The following BMP5 variants were observed in gnomAD, a reference collection of about 807,000 sequenced individuals.
The protein encoded by BMP5 is bone morphogenetic protein 5.
Under a neutral mutation model 46.6 loss-of-function variants are expected in BMP5, and 23 were observed. The observed-to-expected ratio is 0.49, with a 90% CI of 0.35 to 0.70. The LOEUF is 0.70. BMP5 is among the 30% of genes least tolerant of loss of function. BMP5 has a pLI of 0.00. For synonymous variants in BMP5, 204 were observed against 191.9 expected (o/e 1.06, Z -0.52); for missense variants, 545 against 565.6 (o/e 0.96, Z 0.37).
intron 1 of BMP5, among the ~76,000 whole-genome samples, chr6:55,823,167 G>T (rs73446194): frequency 2.6e-5 from 4 of 151,942 alleles, no homozygotes; most frequent in Non-Finnish European, 4.4e-5. Flanking sequence ...ATAAATCTTC[G>T]TTCAATACCT....
intron 3 of BMP5, among the ~76,000 whole-genome samples, chr6:55,787,379 A>G (rs554493880): frequency 6.6e-6 from 1 of 151,846 alleles, no homozygotes; most frequent in East Asian, 1.9e-4. Context: ...TCAGTTGTAA[A>G]TTATATCTTT....
intron 4 of BMP5, among the ~76,000 whole-genome samples, chr6:55,767,324 A>G (rs1774937169): frequency 6.6e-6 from 1 of 152,154 alleles, no homozygotes; most frequent in East Asian, 1.9e-4. Context: ...TACCAGTTCT[A>G]TAAAACCAAT....
Position 55,774,243 on chromosome 6 carries a change from C to T in BMP5, c.833G>A (p.Gly278Glu). Reference sequence around the variant, plus strand: ...AGCAGATTTTACGTTGATACTGCGTCCTAGAACGTAATACAAAAGCACTTG... The same window carrying T: ...AGCAGATTTTACGTTGATACTGCGTTCTAGAACGTAATACAAAAGCACTTG... ...GLQLCAETGD[G>E]RSINVKSAGL... The change falls in exon 4 of 7, where the codon GGA (glycine) becomes GAA (glutamate). Residue 278 changes from glycine to glutamate, a missense_variant and splice_region_variant. Transcript: ENST00000370830. 1 of 1,612,320 alleles carries T rather than the reference C, an allele frequency of 6.2e-7. No individual in the cohort carries two copies. The highest frequency in any genetic ancestry group is 8.5e-7 in the Non-Finnish European group (1 of 1,178,922).
chr6:55,764,340 A>G lies in BMP5; in HGVS notation c.1028-3807T>C, dbSNP rs535495997. ...TGTAATCCCAGCACTTTGGGAGGCCAAGGAGGGCGGATCACGAGGTCAGAA... is the reference window on the plus strand; with the variant it reads ...TGTAATCCCAGCACTTTGGGAGGCCGAGGAGGGCGGATCACGAGGTCAGAA... On this transcript the variant is annotated intron_variant, in intron 4 of 6. Coordinates refer to ENST00000370830, the MANE Select transcript of BMP5 (RefSeq NM_021073.4). 1.8e-4 allele frequency among the ~76,000 whole-genome samples: 28 copies of G among 152,224 alleles called. No homozygotes were observed. The East Asian group carries it at 1.9e-3, about 11-fold the overall frequency.
intron 3 of BMP5, among the ~76,000 whole-genome samples, chr6:55,776,644 T>G (rs1467310284): frequency 6.6e-6 from 1 of 151,948 alleles, no homozygotes; most frequent in South Asian, 2.1e-4. Flanking sequence ...CATTGATGAC[T>G]GCAGAAATCA....
At chr6:55,800,583 G>A (rs1775824539) in intron 2 of BMP5, among the ~76,000 whole-genome samples, 1 of 152,050 alleles carries the variant, frequency 6.6e-6, no homozygotes, top group Non-Finnish European at 1.5e-5. Context: ...ATGTAGTATT[G>A]GAAATGTTAA....
At position 55,774,367 on chromosome 6, in the gene BMP5, A is replaced by G. The variant is rs911902090; in HGVS notation, c.833-124T>C. 7.1e-6 allele frequency: 6 copies of G among 848,154 alleles called. No homozygotes were observed. In the Admixed American group the frequency reaches 1.1e-4, roughly 15 times the overall value. The allele number at this position is 848,154 out of a possible 1,614,324, so 52.5% of individuals were successfully genotyped here. ...AAAACATTATCAGAATGCCTTCCTT[A>G]CAGGCCAAGATTCTTATAAATATTG... On this transcript the variant is annotated intron_variant, in intron 3 of 6. Transcript: ENST00000370830.
intron 4 of BMP5, among the ~76,000 whole-genome samples, chr6:55,769,827 C>T (rs969462136): frequency 4.6e-5 from 7 of 151,872 alleles, no homozygotes; most frequent in Admixed American, 1.3e-4. Flanking sequence ...TTAGTCTACT[C>T]GTATATCTCC....
At chr6:55,770,489 T>C (rs1775022897) in intron 4 of BMP5, among the ~76,000 whole-genome samples, 1 of 151,920 alleles carries the variant, frequency 6.6e-6, no homozygotes, top group Non-Finnish European at 1.5e-5. Flanking sequence ...TGGTTTGATC[T>C]TCCATCCAGA....
At chr6:55,835,310 A>C (rs1182859635) in intron 1 of BMP5, among the ~76,000 whole-genome samples, 1 of 152,194 alleles carries the variant, frequency 6.6e-6, no homozygotes, top group Non-Finnish European at 1.5e-5. Context: ...TTGGATCAAA[A>C]GCATATAAAA....
At chr6:55,809,064 T>C (rs1304597239) in intron 2 of BMP5, among the ~76,000 whole-genome samples, 1 of 152,228 alleles carries the variant, frequency 6.6e-6, no homozygotes, top group African/African-American at 2.4e-5. Context: ...AAAATCATTA[T>C]GTTCTTTAAA....
intron 3 of BMP5, among the ~76,000 whole-genome samples, chr6:55,777,698 T>A (rs1356192718): frequency 6.6e-6 from 1 of 151,930 alleles, no homozygotes; most frequent in Non-Finnish European, 1.5e-5. Flanking sequence ...GGGCAAGAAG[T>A]CATCTTAAGA....
rs9475434 is a variant in BMP5 at position 55,860,202 on chromosome 6, G to A, written c.490+14174C>T. Among the ~76,000 whole-genome samples, 533 of 150,782 alleles carry A rather than the reference G, an allele frequency of 3.5e-3. 5 individuals are homozygous for A. Among genetic ancestry groups the A allele is most frequent in the African/African-American group, 0.012 (511 of 41,002 alleles). On this transcript the variant is annotated intron_variant, in intron 1 of 6. Coordinates refer to ENST00000370830, the MANE Select transcript of BMP5 (RefSeq NM_021073.4). ...AGGTGGGAGGACTGCTTGAGCCCAG[G>A]AGGTGAGGCTGCAGTGAGCCGAGAT...
chr6:55,759,033 G>A lies in BMP5; in HGVS notation c.1187C>T (p.Ala396Val). 1.9e-6 allele frequency: 3 copies of A among 1,608,720 alleles called. No homozygotes were observed. The highest frequency in any genetic ancestry group is 2.7e-5 in the African/African-American group (2 of 74,224). The change falls in exon 6 of 7, where the codon GCC becomes GTC. Residue 396 changes from alanine (A) to valine (V), a missense_variant. By Grantham distance (64) the Ala-to-Val change is moderately conservative. Coordinates refer to ENST00000370830, the MANE Select transcript of BMP5 (RefSeq NM_021073.4). ...CSFPLNAHMN[A>V]TNHAIVQTLV... ...AGTCTGAACTATAGCGTGGTTGGTG[G>A]CATTCATATGGGCGTTAAGTGGAAA...
At chr6:55,819,008 CA>C (rs1776346463) in intron 2 of BMP5, among the ~76,000 whole-genome samples, 1 of 151,946 alleles carries the variant, frequency 6.6e-6, no homozygotes, top group Non-Finnish European at 1.5e-5. Context: ...AGCTGTCTGA[CA>C]AAGGTAGATT....
intron 1 of BMP5, among the ~76,000 whole-genome samples, chr6:55,851,755 GT>G (rs1383415700): frequency 6.6e-6 from 1 of 152,128 alleles, no homozygotes; most frequent in Non-Finnish European, 1.5e-5. Context: ...CATGGCCACA[GT>G]GTTAATACTC....
At chr6:55,816,724 T>C (rs761069968) in intron 2 of BMP5, among the ~76,000 whole-genome samples, 1 of 152,122 alleles carries the variant, frequency 6.6e-6, no homozygotes, top group Admixed American at 6.6e-5. Context: ...CATAGGATAT[T>C]AATAAGTACT....
intron 4 of BMP5, among the ~76,000 whole-genome samples, chr6:55,761,960 C>T (rs1485841786): frequency 3.9e-5 from 6 of 152,050 alleles, no homozygotes; most frequent in Non-Finnish European, 7.4e-5. Context: ...GGACAAATTT[C>T]TCATAGTGTT....
chr6:55,791,106 T>C (rs1241911859), intron 3 of BMP5, among the ~76,000 whole-genome samples: 2 of 152,202 alleles, frequency 1.3e-5, no homozygotes, highest in African/African-American at 4.8e-5. Context: ...ACGTTAGGAA[T>C]ATATTACTGA....
Sources: gnomAD v4.1 joint callset for allele counts (sites outside exome capture counted in the v4.1 genomes callset) on GRCh38, gnomAD v4.1.1 for gene constraint, MANE v1.5 for transcripts, NCBI Gene and HGNC (gene_info 2026-07-23, HGNC 2026-07-21) for gene names.